SUMF1: variants seen among roughly 807,000 people sequenced by gnomAD.
SUMF1 encodes the protein sulfatase modifying factor 1, also known as formylglycine-generating enzyme.
SUMF1 carries 48 observed loss-of-function variants against 47.6 expected under a neutral mutation model. The observed-to-expected ratio is 1.01, with a 90% CI of 0.80 to 1.28. The LOEUF (loss-of-function observed/expected upper bound fraction) is 1.28. Among genes scored for constraint, SUMF1 ranks in the 50% most tolerant of loss-of-function variants. The pLI is 0.00. For synonymous variants in SUMF1, 230 were observed against 192.1 expected (o/e 1.20, Z -1.63); for missense variants, 571 against 485.4 (o/e 1.18, Z -1.66).
chr3:4,400,336 G>A (rs1390678721), intron 7 of SUMF1, among the ~76,000 whole-genome samples: 5 of 152,084 alleles, frequency 3.3e-5, no homozygotes, highest in East Asian at 1.9e-4. Context: ...CAAAAAACCC[G>A]GGCTTTGGTT....
rs142977510 is a variant in SUMF1, at chr3:4,252,352, GCACA to G, written c.1014+123974_1014+123977del. On this transcript the variant is annotated intron_variant and NMD_transcript_variant, in intron 8 of 12. Coordinates refer to the SUMF1 transcript ENST00000448413. ...GGATTCGCTCCAAATACACACATGC[GCACA>G]CACACACACACACACACACACACCC... is the stretch of plus-strand genomic sequence containing the variant. Among the ~76,000 whole-genome samples, 1,187 of 129,632 alleles carry G rather than the reference GCACA, an allele frequency of 9.2e-3. 11 individuals are homozygous for G. The highest frequency in any genetic ancestry group is 0.026 in the African/African-American group (975 of 37,082). 85.0% of individuals were successfully genotyped at this position (129,632 alleles called of 152,430 possible). A position where few individuals can be genotyped will look rare whatever the true frequency, so the allele number is the denominator to read the frequency against.
intron 9 of SUMF1, among the ~76,000 whole-genome samples, chr3:4,047,192 T>C (rs1695022481): frequency 6.6e-6 from 1 of 152,136 alleles, no homozygotes; most frequent in East Asian, 1.9e-4. Flanking sequence ...ATATATCAAA[T>C]ATCCCCTAAG....
At chr3:4,181,600 C>T (rs1009424796) in intron 8 of SUMF1, among the ~76,000 whole-genome samples, 3 of 152,050 alleles carry the variant, frequency 2.0e-5, no homozygotes, top group Non-Finnish European at 4.4e-5. Flanking sequence ...AAAGTGAAGG[C>T]CTTGGATCAA....
At chr3:4,433,578 C>A (rs1046571930) in intron 3 of SUMF1, among the ~76,000 whole-genome samples, 24 of 152,288 alleles carry the variant, frequency 1.6e-4, no homozygotes, top group Admixed American at 7.8e-4. Context: ...TTACCGTGAA[C>A]CCACCTTCAC....
At chr3:4,241,926 T>TGACTAC (rs777207247) in intron 8 of SUMF1, among the ~76,000 whole-genome samples, 4 of 152,148 alleles carry the variant, frequency 2.6e-5, no homozygotes, top group Non-Finnish European at 5.9e-5. Context: ...ACAGGGAAGT[T>TGACTAC]GACTACGTCA....
At chr3:4,254,986 A>G (rs1696911230) in intron 8 of SUMF1, among the ~76,000 whole-genome samples, 1 of 152,026 alleles carries the variant, frequency 6.6e-6, no homozygotes, top group Admixed American at 6.5e-5. Context: ...AACAATTTTC[A>G]ACCCAGAATT....
At chr3:4,317,734 G>A (rs181296411) in intron 8 of SUMF1, among the ~76,000 whole-genome samples, 25 of 152,294 alleles carry the variant, frequency 1.6e-4, no homozygotes, top group African/African-American at 6.0e-4. Flanking sequence ...ACTCTCCAGT[G>A]TGTTACCATT....
intron 8 of SUMF1, among the ~76,000 whole-genome samples, chr3:4,302,892 C>T (rs1252973001): frequency 6.6e-6 from 1 of 152,092 alleles, no homozygotes; most frequent in Non-Finnish European, 1.5e-5. Context: ...AGTGAGCATG[C>T]CCCCACACAA....
intron 2 of SUMF1, among the ~76,000 whole-genome samples, chr3:4,450,488 C>T (rs1346682498): frequency 6.6e-6 from 1 of 152,148 alleles, no homozygotes; most frequent in Non-Finnish European, 1.5e-5. Context: ...CCTTGTGACA[C>T]TGCCATGACT....
At chr3:4,313,719 A>T in intron 8 of SUMF1, 1 of 1,614,066 alleles carries the variant, frequency 6.2e-7, no homozygotes. Flanking sequence ...TGTGTGGCTC[A>T]GCCCCTTCTG....
intron 8 of SUMF1, among the ~76,000 whole-genome samples, chr3:4,122,523 T>C (rs924160239): frequency 6.6e-6 from 1 of 152,150 alleles, no homozygotes; most frequent in African/African-American, 2.4e-5. Context: ...ATGCCACTAA[T>C]TTGTTGACTT....
intron 8 of SUMF1, among the ~76,000 whole-genome samples, chr3:4,211,120 A>ATATATATATATAT (rs1656661357): frequency 1.5e-5 from 2 of 134,380 alleles, no homozygotes; most frequent in South Asian, 4.8e-4. Context: ...ATATATATAT[A>ATATATATATATAT]TACACACACA....
intron 8 of SUMF1, among the ~76,000 whole-genome samples, chr3:4,241,126 A>T (rs559857964): frequency 6.6e-6 from 1 of 152,278 alleles, no homozygotes; most frequent in South Asian, 2.1e-4. Flanking sequence ...GGGGTTAGGA[A>T]CTACAAGGTA....
At chr3:4,316,162 T>G (rs1374439144) in intron 8 of SUMF1, 1 of 632,946 alleles carries the variant, frequency 1.6e-6, no homozygotes, top group South Asian at 1.8e-5. Flanking sequence ...GAGCATTTCT[T>G]TATGTTTTTT....
intron 8 of SUMF1, among the ~76,000 whole-genome samples, chr3:4,263,823 G>T (rs1697135151): frequency 6.6e-6 from 1 of 152,072 alleles, no homozygotes; most frequent in Non-Finnish European, 1.5e-5. Context: ...CTCCAAGTGG[G>T]CAAGGCCATT....
chr3:4,433,445 C>A (rs1280934442), intron 3 of SUMF1, among the ~76,000 whole-genome samples: 2 of 152,156 alleles, frequency 1.3e-5, no homozygotes, highest in East Asian at 1.9e-4. Context: ...TGAGCTTATG[C>A]CACACACTGG....
intron 8 of SUMF1, among the ~76,000 whole-genome samples, chr3:4,239,338 G>C (rs528413098): frequency 3.9e-5 from 6 of 152,140 alleles, no homozygotes; most frequent in Non-Finnish European, 8.8e-5. Flanking sequence ...GACGGGGATA[G>C]CATTGAATCT....
Position 4,135,964 on chromosome 3 carries a change from T to G in SUMF1, c.1015-67219A>C, listed in dbSNP as rs567040530. On this transcript the variant is annotated intron_variant and NMD_transcript_variant, in intron 8 of 12. Coordinates refer to the SUMF1 transcript ENST00000448413. ...AGGAGAACTGCAAACCACTGCTCAATGAAATAAAAGAGGATACAAACAAAT... is the reference window on the plus strand; with the variant it reads ...AGGAGAACTGCAAACCACTGCTCAAGGAAATAAAAGAGGATACAAACAAAT... Among the ~76,000 whole-genome samples the G allele has an allele frequency of 9.9e-5, 15 of 152,056 alleles. 1 individual carries two copies. The East Asian group carries it at 1.4e-3, about 14-fold the overall frequency.
chr3:4,273,046 T>A (rs1697333813), intron 8 of SUMF1, among the ~76,000 whole-genome samples: 1 of 151,138 alleles, frequency 6.6e-6, no homozygotes, highest in Non-Finnish European at 1.5e-5. Flanking sequence ...GGTGACAGAG[T>A]GAGGCTCTGT....
Sources: gnomAD v4.1 joint callset for allele counts (sites outside exome capture counted in the v4.1 genomes callset) on GRCh38, gnomAD v4.1.1 for gene constraint, MANE v1.5 for transcripts, NCBI Gene and HGNC (gene_info 2026-07-23, HGNC 2026-07-21) for gene names.